Variants in CACNA2D1 observed in about 807,000 individuals in gnomAD.
CACNA2D1 encodes calcium voltage-gated channel auxiliary subunit alpha2delta 1.
In CACNA2D1, 53 loss-of-function variants were observed where a neutral mutation model predicts 171.5. The ratio of observed to expected loss-of-function variants is 0.31; its 90% CI spans 0.25 to 0.39. The LOEUF (loss-of-function observed/expected upper bound fraction) is 0.39, where lower values mean the gene tolerates loss of function less well. CACNA2D1 is among the 10% of genes least tolerant of loss of function. The probability of loss-of-function intolerance (pLI) is 1.00; values close to 1 mark genes in which losing one functional copy is unlikely to be tolerated. For synonymous variants in CACNA2D1, 442 were observed against 443.1 expected (o/e 1.00, Z 0.03); for missense variants, 903 against 1,299.8 (o/e 0.69, Z 4.69).
chr7:82,423,943 T>C (rs1178576300), intron 1 of CACNA2D1, among the ~76,000 whole-genome samples: 1 of 152,214 alleles, frequency 6.6e-6, no homozygotes, highest in Non-Finnish European at 1.5e-5. Flanking sequence ...TTTATGGCTG[T>C]GGAATTTAAG....
chr7:82,223,830 C>T (rs1802047027), intron 3 of CACNA2D1, among the ~76,000 whole-genome samples: 1 of 152,164 alleles, frequency 6.6e-6, no homozygotes, highest in South Asian at 2.1e-4. Flanking sequence ...ATATGCCACG[C>T]TCCTGCTTAA....
intron 3 of CACNA2D1, among the ~76,000 whole-genome samples, chr7:82,181,688 T>TA (rs1412747967): frequency 6.6e-6 from 1 of 152,178 alleles, no homozygotes; most frequent in Non-Finnish European, 1.5e-5. Context: ...AACTACAACT[T>TA]ACGTGTTCTA....
At chr7:81,952,504 TAATC>T (rs1453681787) in intron 38 of CACNA2D1, among the ~76,000 whole-genome samples, 4 of 152,168 alleles carry the variant, frequency 2.6e-5, no homozygotes, top group African/African-American at 4.8e-5. Flanking sequence ...AATCATAAAA[TAATC>T]AATTCTTAGT....
chr7:82,190,959 T>C (rs1416157694), intron 3 of CACNA2D1, among the ~76,000 whole-genome samples: 1 of 151,754 alleles, frequency 6.6e-6, no homozygotes, highest in Non-Finnish European at 1.5e-5. Flanking sequence ...CCATTGTATA[T>C]GTATAGGTAA....
intron 7 of CACNA2D1, among the ~76,000 whole-genome samples, chr7:82,082,195 T>C (rs767069066): frequency 1.3e-5 from 2 of 152,192 alleles, no homozygotes; most frequent in Admixed American, 6.5e-5. Flanking sequence ...ATGGGGCAGC[T>C]GTCCTCCACC....
intron 18 of CACNA2D1, 164 bp downstream of exon 18, chr7:82,005,259 T>C (rs1171597580): frequency 1.6e-6 from 1 of 607,674 alleles, no homozygotes; most frequent in African/African-American, 1.9e-5. Context: ...CACACTTTCA[T>C]ATAGTATCAT....
rs891390192 is a variant in CACNA2D1 at position 82,155,500 on chromosome 7, T to C, written c.354+15050A>G. Among the ~76,000 whole-genome samples the C allele has an allele frequency of 3.9e-5, 6 of 152,094 alleles. No individual in the cohort carries two copies. In the South Asian group the frequency reaches 6.2e-4, roughly 16 times the overall value. On this transcript the variant is annotated intron_variant, in intron 4 of 38. Transcript: ENST00000356860. ...CTAATATAACACTACAAATATACCA[T>C]ACATTTTTTTGTGTAAATAAATATA...
At chr7:82,090,171 A>G (rs1452871331) in intron 6 of CACNA2D1, among the ~76,000 whole-genome samples, 1 of 152,138 alleles carries the variant, frequency 6.6e-6, no homozygotes, top group Non-Finnish European at 1.5e-5. Context: ...GAAAATTACA[A>G]TACAATATTG....
At chr7:82,365,106 A>C (rs1821533446) in intron 1 of CACNA2D1, among the ~76,000 whole-genome samples, 1 of 152,220 alleles carries the variant, frequency 6.6e-6, no homozygotes, top group Non-Finnish European at 1.5e-5. Flanking sequence ...CATGAGGGAC[A>C]AGGACATCTG....
chr7:82,099,249 A>C (rs1812321137), intron 6 of CACNA2D1, among the ~76,000 whole-genome samples: 3 of 151,978 alleles, frequency 2.0e-5, no homozygotes, highest in Non-Finnish European at 2.9e-5. Context: ...TTTTATATTC[A>C]TTTTACTGAG....
intron 3 of CACNA2D1, among the ~76,000 whole-genome samples, chr7:82,290,602 A>ATT (rs1410864152): frequency 6.9e-6 from 1 of 144,614 alleles, no homozygotes; most frequent in African/African-American, 2.5e-5. Flanking sequence ...AAAGCCATGA[A>ATT]TTTTTTTTTT....
intron 3 of CACNA2D1, among the ~76,000 whole-genome samples, chr7:82,196,850 T>C (rs900790192): frequency 1.3e-5 from 2 of 151,790 alleles, no homozygotes; most frequent in Non-Finnish European, 2.9e-5. Context: ...TAGAGGATGG[T>C]TGCCTTAAAA....
intron 3 of CACNA2D1, among the ~76,000 whole-genome samples, chr7:82,280,501 ACTCCCAAG>A (rs1451198510): frequency 6.6e-6 from 1 of 151,962 alleles, no homozygotes; most frequent in Admixed American, 6.6e-5. Flanking sequence ...CTGTCTTCCT[ACTCCCAAG>A]CTGTAGTCCA....
chr7:82,316,563 T>C (rs1035682870), intron 3 of CACNA2D1, among the ~76,000 whole-genome samples: 1 of 152,180 alleles, frequency 6.6e-6, no homozygotes, highest in Non-Finnish European at 1.5e-5. Flanking sequence ...TGATGTTCTA[T>C]CTGAAAGAAA....
At chr7:82,074,407 T>C (rs1808706801) in intron 7 of CACNA2D1, among the ~76,000 whole-genome samples, 1 of 152,066 alleles carries the variant, frequency 6.6e-6, no homozygotes, top group Admixed American at 6.6e-5. Flanking sequence ...TTTGTATTTT[T>C]AGTAGAGATG....
At chr7:82,230,108 C>T (rs1271976510) in intron 3 of CACNA2D1, among the ~76,000 whole-genome samples, 1 of 152,146 alleles carries the variant, frequency 6.6e-6, no homozygotes. Flanking sequence ...AACTGAAACA[C>T]CTGTGTAATT....
intron 3 of CACNA2D1, among the ~76,000 whole-genome samples, chr7:82,321,098 C>T (rs961328360): frequency 3.2e-4 from 48 of 152,110 alleles, no homozygotes; most frequent in African/African-American, 1.1e-3. Context: ...CTCTACCTGA[C>T]ACTTGAGAGT....
intron 1 of CACNA2D1, among the ~76,000 whole-genome samples, chr7:82,415,704 T>C (rs928185844): frequency 1.3e-5 from 2 of 152,088 alleles, no homozygotes; most frequent in African/African-American, 4.8e-5. Context: ...TGCATCTTTT[T>C]TTTTTCTTTA....
intron 25 of CACNA2D1, among the ~76,000 whole-genome samples, chr7:81,973,728 G>A (rs937679510): frequency 2.0e-5 from 3 of 151,462 alleles, no homozygotes; most frequent in South Asian, 2.1e-4. Context: ...CCATTTGTAC[G>A]GTATTTGTTT....
Sources: allele counts gnomAD v4.1 joint callset (sites outside exome capture counted in the v4.1 genomes callset), GRCh38; gene constraint gnomAD v4.1.1; transcripts MANE v1.5; gene names NCBI Gene and HGNC (gene_info 2026-07-23, HGNC 2026-07-21).